Variants in URB2 observed in about 807,000 individuals in gnomAD.
URB2 encodes the protein unhealthy ribosome biogenesis protein 2 homolog.
In URB2, 86 loss-of-function variants were observed where a neutral mutation model predicts 120.9. The observed-to-expected ratio is 0.71, with a 90% CI of 0.60 to 0.85. The LOEUF (loss-of-function observed/expected upper bound fraction) is 0.85. URB2 is among the 40% of genes least tolerant of loss of function. The pLI, the probability that URB2 is intolerant of heterozygous loss-of-function variation, is 0.00. For synonymous variants in URB2, 755 were observed against 758.4 expected (o/e 1.00, Z 0.07); for missense variants, 1,765 against 1,836.5 (o/e 0.96, Z 0.71).
Position 229,635,168 on chromosome 1 carries a change from G to A in URB2, c.555G>A (p.Gln185=). ...LALGHYLLIL[Q]QQVNPRRAFG... is the part of the protein sequence containing the mutation. Reference sequence around the variant, plus strand: ...TTGGCCATTATCTCTTGATCCTGCAGCAGCAGGTCAACCCAAGACGTGCCT... The same window carrying A: ...TTGGCCATTATCTCTTGATCCTGCAACAGCAGGTCAACCCAAGACGTGCCT... The change falls in exon 4 of 10, where the codon CAG becomes CAA. Residue 185 remains glutamine (Q), a synonymous_variant. Transcript: ENST00000258243. The A allele has an allele frequency of 2.5e-6, 4 of 1,614,218 alleles. No homozygotes were observed. The highest frequency in any genetic ancestry group is 3.4e-6 in the Non-Finnish European group (4 of 1,180,038).
Position 229,636,716 on chromosome 1 carries a change from G to A in URB2, c.2103G>A (p.Arg701=). 1 of 1,613,594 alleles carries A rather than the reference G, an allele frequency of 6.2e-7. No homozygotes were observed. The highest frequency in any genetic ancestry group is 8.5e-7 in the Non-Finnish European group (1 of 1,179,796). The change falls in exon 4 of 10, where the codon AGG becomes AGA. Residue 701 remains arginine (R), a synonymous_variant. Coordinates refer to ENST00000258243, the MANE Select transcript of URB2 (RefSeq NM_014777.4). ...CTGAAGGAGCCATCCAAAGTTTGAG[G>A]TGCGATGCTGCCTTTATTATTGGTT... is the stretch of plus-strand genomic sequence containing the variant. ...FRSEGAIQSL[R]CDAAFIIGSG...
rs780581764 is a variant in URB2, at chr1:229,636,149, C to T, written c.1536C>T (p.Asp512=). ...AGCTGCCTCCAAGTCAGATCCTGGA[C>T]ACGTGGTCCCTTGTGCTGGAGAAGT... ...LLELPPSQIL[D]TWSLVLEKFQ... is the part of the protein sequence containing the mutation. The change falls in exon 4 of 10, where the codon GAC becomes GAT. Residue 512 remains aspartate, a synonymous_variant. Transcript: ENST00000258243. 3.3e-5 allele frequency: 54 copies of T among 1,614,146 alleles called. No homozygotes were observed. The highest frequency in any genetic ancestry group is 6.7e-5 in the Admixed American group (4 of 60,016).
intron 2 of URB2, among the ~76,000 whole-genome samples, chr1:229,631,428 G>T (rs1340181175): frequency 6.6e-6 from 1 of 152,162 alleles, no homozygotes; most frequent in Non-Finnish European, 1.5e-5. Context: ...TCACGATTTG[G>T]TTAATTGGCT....
intron 8 of URB2, among the ~76,000 whole-genome samples, chr1:229,652,048 G>A (rs1204407918): frequency 1.3e-5 from 2 of 152,128 alleles, no homozygotes; most frequent in African/African-American, 2.4e-5. Context: ...TGGGCGTGAT[G>A]GTGGACTCCT....
intron 1 of URB2, among the ~76,000 whole-genome samples, chr1:229,626,596 C>T (rs867552379): frequency 6.6e-6 from 1 of 152,262 alleles, no homozygotes; most frequent in African/African-American, 2.4e-5. Context: ...GTTCTTGTTG[C>T]TTGGTCTCTT....
chr1:229,644,908 A>T (rs1558168905), intron 5 of URB2, among the ~76,000 whole-genome samples: 2 of 152,180 alleles, frequency 1.3e-5, no homozygotes, highest in Non-Finnish European at 2.9e-5. Context: ...TATTTTTCAA[A>T]GGGGAAGTTT....
chr1:229,635,530 T>C lies in URB2; in HGVS notation c.917T>C (p.Leu306Ser). ...TCTGTTGTGGCCAACTCAGTGGCCT[T>C]GCTGTATAAGCTCTTTCTAGATTCT... ...HTSVVANSVA[L>S]LYKLFLDSYF... The change falls in exon 4 of 10, where the codon TTG (leucine) becomes TCG (serine). Residue 306 changes from leucine (L) to serine (S), a missense_variant. Transcript: ENST00000258243. 6.2e-7 allele frequency: 1 copy of C among 1,614,168 alleles called. No individual in the cohort carries two copies. Among genetic ancestry groups the C allele is most frequent in the East Asian group, 2.2e-5 (1 of 44,894 alleles).
chr1:229,659,548 T>A lies in URB2; in HGVS notation c.*251T>A. 2.8e-6 allele frequency: 1 copy of A among 358,640 alleles called. No individual in the cohort carries two copies. The highest frequency in any genetic ancestry group is 2.0e-5 in the African/African-American group (1 of 49,028). The allele number at this position is 358,640 out of a possible 1,614,324, so 22.2% of individuals were successfully genotyped here. On this transcript the variant is annotated 3_prime_UTR_variant, in exon 10 of 10. Coordinates refer to ENST00000258243, the MANE Select transcript of URB2 (RefSeq NM_014777.4). ...AAAATTGACCCTGGGATGAGATTAA[T>A]TCAATAGAAAAATTGCTGACTCTTG...
At chr1:229,642,877 G>A (rs1183135311) in intron 4 of URB2, among the ~76,000 whole-genome samples, 1 of 152,162 alleles carries the variant, frequency 6.6e-6, no homozygotes, top group South Asian at 2.1e-4. Flanking sequence ...AAAAAATCTT[G>A]TATTACTTTT....
chr1:229,651,093 T>C (rs1430683555), intron 7 of URB2, 142 bp from the exon 8 acceptor site: 5 of 590,624 alleles, frequency 8.5e-6, no homozygotes, highest in Non-Finnish European at 1.4e-5. Context: ...GGCGAAAGGA[T>C]GTGGCTATCC....
chr1:229,637,213 G>A lies in URB2; in HGVS notation c.2600G>A (p.Arg867Lys), dbSNP rs1364289604. The change falls in exon 4 of 10, where the codon AGA becomes AAA. Residue 867 changes from arginine (R) to lysine (K), a missense_variant. Physicochemically the swap from Arg to Lys is conservative, Grantham distance 26. Coordinates refer to ENST00000258243, the MANE Select transcript of URB2 (RefSeq NM_014777.4). ...GCTGGACCCGAAGGTATAGAACCTA[G>A]AGGAGAAATTGCCCAGAACTTACTG... ...AKAGPEGIEP[R>K]GEIAQNLLSL... 1 of 1,613,732 alleles carries A rather than the reference G, an allele frequency of 6.2e-7. No individual in the cohort carries two copies. The highest frequency in any genetic ancestry group is 8.5e-7 in the Non-Finnish European group (1 of 1,179,780).
In URB2 at chr1:229,636,856, C is replaced by T. The variant is rs1665847840; in HGVS notation, c.2243C>T (p.Thr748Ile). Residue 748 changes from threonine (T) to isoleucine (I), a missense_variant, in exon 4 of 10, where the codon ACA becomes ATA. Physicochemically the swap from Thr to Ile is moderately conservative, Grantham distance 89. Coordinates refer to ENST00000258243, the MANE Select transcript of URB2 (RefSeq NM_014777.4). ...AHWHLIVSNL[T>I]ILISYLCPDD... ...TGGCACTTGATTGTGTCAAATCTCA[C>T]AATTTTAATATCCTATCTGTGTCCA... 3 of 1,611,122 alleles carry T rather than the reference C, an allele frequency of 1.9e-6. No homozygotes were observed. The East Asian group carries it at 6.7e-5, about 36-fold the overall frequency.
In URB2 at chr1:229,659,859, A is replaced by G. The variant is rs1666482453; in HGVS notation, c.*562A>G. 1 of 152,438 alleles carries G rather than the reference A, an allele frequency of 6.6e-6. No individual in the cohort carries two copies. The highest frequency in any genetic ancestry group is 1.5e-5 in the Non-Finnish European group (1 of 68,220). 9.4% of individuals were successfully genotyped at this position (152,438 alleles called of 1,614,324 possible). A position where few individuals can be genotyped will look rare whatever the true frequency, so the allele number is the denominator to read the frequency against. On this transcript the variant is annotated 3_prime_UTR_variant, in exon 10 of 10. Coordinates refer to ENST00000258243, the MANE Select transcript of URB2 (RefSeq NM_014777.4). ...GGTGGCGATAGTGGGCACCTCAGGC[A>G]GGTCGGTGACGTTTAGCACAGGTGC...
chr1:229,635,472 G>C lies in URB2; in HGVS notation c.859G>C (p.Asp287His), dbSNP rs1665779006. ...PMDTVLNRLVDAGYCAASLHT... is the reference protein window; with the variant it reads ...PMDTVLNRLVHAGYCAASLHT... Reference sequence around the variant, plus strand: ...GGACACCGTGCTTAACAGGCTGGTTGATGCTGGCTACTGTGCAGCATCCCT... The same window carrying C: ...GGACACCGTGCTTAACAGGCTGGTTCATGCTGGCTACTGTGCAGCATCCCT... Residue 287 changes from aspartate (D) to histidine (H), a missense_variant, in exon 4 of 10, where the codon GAT becomes CAT. Physicochemically the swap from Asp to His is moderately conservative, Grantham distance 81 (BLOSUM62 -1). Transcript: ENST00000258243. 9.9e-6 allele frequency: 16 copies of C among 1,612,812 alleles called. No homozygotes were observed. The highest frequency in any genetic ancestry group is 1.2e-5 in the Non-Finnish European group (14 of 1,179,220).
At chr1:229,658,919 T>G (rs981922875) in intron 9 of URB2, among the ~76,000 whole-genome samples, 181 bp from the exon 10 acceptor site, 1 of 152,158 alleles carries the variant, frequency 6.6e-6, no homozygotes, top group African/African-American at 2.4e-5. Context: ...TTTAAAAATA[T>G]GAGTATTTAA....
chr1:229,655,694 T>C (rs2102801701), intron 9 of URB2, among the ~76,000 whole-genome samples: 1 of 152,358 alleles, frequency 6.6e-6, no homozygotes, highest in South Asian at 2.1e-4. Flanking sequence ...GTGCGGTGTA[T>C]TCTTTTGACT....
chr1:229,643,377 C>T lies in URB2; in HGVS notation c.3635-156C>T, dbSNP rs114602023. ...TGAGAGCATGGCATCACAGTAACTACGTGTACCTGCTTTTTCCACCAGTGC... is the reference window on the plus strand; with the variant it reads ...TGAGAGCATGGCATCACAGTAACTATGTGTACCTGCTTTTTCCACCAGTGC... On this transcript the variant is annotated intron_variant, in intron 4 of 9. Coordinates refer to ENST00000258243, the MANE Select transcript of URB2 (RefSeq NM_014777.4). Among the ~76,000 whole-genome samples the T allele has an allele frequency of 3.6e-3, 554 of 152,364 alleles. 3 individuals carry two copies. Among genetic ancestry groups the T allele is most frequent in the African/African-American group, 0.013 (529 of 41,586 alleles).
At chr1:229,627,838 G>C in intron 2 of URB2, 79 bp downstream of exon 2, 1 of 1,456,286 alleles carries the variant, frequency 6.9e-7, no homozygotes. Context: ...TTGACAATTG[G>C]TTAAAATAAA....
rs1168781859 is a variant in URB2, at chr1:229,636,739, G to C, written c.2126G>C (p.Gly709Ala). 1 of 1,612,254 alleles carries C rather than the reference G, an allele frequency of 6.2e-7. No homozygotes were observed. Among genetic ancestry groups the C allele is most frequent in the East Asian group, 2.2e-5 (1 of 44,860 alleles). Residue 709 changes from glycine to alanine, a missense_variant, in exon 4 of 10, where the codon GGT becomes GCT. Transcript: ENST00000258243. Reference sequence around the variant, plus strand: ...AGGTGCGATGCTGCCTTTATTATTGGTTCCGGCAGAAAAAGCTTGAATCAG... The same window carrying C: ...AGGTGCGATGCTGCCTTTATTATTGCTTCCGGCAGAAAAAGCTTGAATCAG... Reference protein sequence around the residue: ...SLRCDAAFIIGSGRKSLNQRT... With the variant: ...SLRCDAAFIIASGRKSLNQRT...
Sources: gnomAD v4.1 joint callset for allele counts (sites outside exome capture counted in the v4.1 genomes callset) on GRCh38, gnomAD v4.1.1 for gene constraint, MANE v1.5 for transcripts, NCBI Gene and HGNC (gene_info 2026-07-23, HGNC 2026-07-21) for gene names.